F7: variants seen among roughly 807,000 people sequenced by gnomAD.
F7 encodes FVII coagulation protein.
In F7, 38 loss-of-function variants were observed where a neutral mutation model predicts 47.5. That is an observed-to-expected ratio of 0.80 (90% CI 0.62 to 1.05). The LOEUF (loss-of-function observed/expected upper bound fraction) is 1.05. F7 is among the 50% of genes least tolerant of loss of function. The pLI, the probability that F7 is intolerant of heterozygous loss-of-function variation, is 0.00. For missense variants in F7, 575 were observed against 605.4 expected (o/e 0.95, Z 0.53); for synonymous variants, 244 against 258.5 (o/e 0.94, Z 0.54).
rs376168927 is a variant in F7, at chr13:113,105,905, G to A, written c.64G>A (p.Val22Ile). The change falls in exon 1 of 8, where the codon GTC becomes ATC. Residue 22 changes from valine (V) to isoleucine (I), a missense_variant and splice_region_variant. Physicochemically the swap from Val to Ile is conservative, Grantham distance 29 (BLOSUM62 3). Transcript: ENST00000346342. ...TGGGCTTCAGGGCTGCCTGGCTGCA[G>A]GTGCGTCCGGGGAGGTTTTCTCCAT... ...LLGLQGCLAA[V>I]FVTQEEAHGV... The A allele has an allele frequency of 4.4e-6, 7 of 1,585,266 alleles. No homozygotes were observed. The East Asian group carries it at 6.8e-5, about 15-fold the overall frequency.
intron 1 of F7, among the ~76,000 whole-genome samples, chr13:113,109,436 G>A (rs1217262436): frequency 1.3e-5 from 2 of 152,130 alleles, no homozygotes; most frequent in South Asian, 2.1e-4. Context: ...GTTCTCTAGG[G>A]GCGTCGACGT....
chr13:113,115,687 A>G lies in F7; in HGVS notation c.392A>G (p.Asn131Ser). ...AAGGATGACCAGCTGATCTGTGTGA[A>G]CGAGAACGGCGGCTGTGAGCAGTAC... is the stretch of plus-strand genomic sequence containing the variant. Reference protein sequence around the residue: ...THKDDQLICVNENGGCEQYCS... With the variant: ...THKDDQLICVSENGGCEQYCS... Residue 131 changes from asparagine to serine, a missense_variant, in exon 5 of 8, where the codon AAC (asparagine) becomes AGC (serine). Asn to Ser is a conservative substitution (Grantham distance 46). Transcript: ENST00000346342. 6.2e-7 allele frequency: 1 copy of G among 1,613,226 alleles called. No homozygotes were observed. The highest frequency in any genetic ancestry group is 1.3e-5 in the African/African-American group (1 of 75,032).
Position 113,113,978 on chromosome 13 carries a change from G to A in F7, c.364+18G>A, listed in dbSNP as rs1013854324. On this transcript the variant is annotated intron_variant, in intron 4 of 7. Transcript: ENST00000346342. The surrounding 1 kb of genome is among the most constrained non-coding windows in gnomAD (Gnocchi z 4.1). ...TGAGACGCGTAAGGCCCCACTTTGG[G>A]TCCCATATTTGCAGAGGGCCCTGGG... 2.5e-6 allele frequency: 4 copies of A among 1,613,538 alleles called. No individual in the cohort carries two copies. Among genetic ancestry groups the A allele is most frequent in the Non-Finnish European group, 8.5e-7 (1 of 1,179,990 alleles).
chr13:113,115,898 C>T, intron 5 of F7, 98 bp downstream of exon 5: 3 of 1,509,112 alleles, frequency 2.0e-6, no homozygotes, highest in South Asian at 1.1e-5. Flanking sequence ...GGCTTCACAT[C>T]TACTGAGCAC....
In F7 at chr13:113,110,676, C is replaced by T. The variant is rs776517451; in HGVS notation, c.65-14C>T. 2 of 1,547,854 alleles carry T rather than the reference C, an allele frequency of 1.3e-6. No homozygotes were observed. Among genetic ancestry groups the T allele is most frequent in the African/African-American group, 2.7e-5 (2 of 72,932 alleles). On this transcript the variant is annotated splice_polypyrimidine_tract_variant and intron_variant, in intron 1 of 7. Coordinates refer to ENST00000346342, the MANE Select transcript of F7 (RefSeq NM_019616.4). ...GGCACGCGGTGGGCGCTTCACGGAACTCGCATTTCCCAGTCTTCGTAACCC... is the reference window on the plus strand; with the variant it reads ...GGCACGCGGTGGGCGCTTCACGGAATTCGCATTTCCCAGTCTTCGTAACCC...
rs142493427 is a variant in F7 at position 113,107,276 on chromosome 13, C to G, written c.64+1371C>G. Among the ~76,000 whole-genome samples the G allele has an allele frequency of 3.4e-4, 19 of 55,222 alleles. 4 individuals are homozygous for G. Among genetic ancestry groups the G allele is most frequent in the East Asian group, 1.8e-3 (4 of 2,250 alleles). The allele number at this position is 55,222 out of a possible 152,430, so 36.2% of individuals were successfully genotyped here. ...CCCGGGAGTGTGGGTGTCCCGGGGG[C>G]GTGGGTGTCCCAGGAGTGTGGGTGT... is the stretch of plus-strand genomic sequence containing the variant. On this transcript the variant is annotated intron_variant, in intron 1 of 7. Coordinates refer to ENST00000346342, the MANE Select transcript of F7 (RefSeq NM_019616.4).
chr13:113,117,269 C>G (rs2036209849), intron 6 of F7, among the ~76,000 whole-genome samples: 1 of 152,204 alleles, frequency 6.6e-6, no homozygotes, highest in Non-Finnish European at 1.5e-5. Context: ...TGGGCCGTGC[C>G]CAAGAGCACG....
In F7 at chr13:113,118,902, G is replaced by T. The variant is rs1450120320; in HGVS notation, c.1229G>T (p.Gly410Val). Residue 410 changes from glycine (G) to valine (V), a missense_variant, in exon 8 of 8, where the codon GGC becomes GTC. Physicochemically the swap from Gly to Val is moderately radical, Grantham distance 109. Transcript: ENST00000346342. Reference protein sequence around the residue: ...VSWGQGCATVGHFGVYTRVSQ... With the variant: ...VSWGQGCATVVHFGVYTRVSQ... ...TGGGGCCAGGGCTGCGCAACCGTGG[G>T]CCACTTTGGGGTGTACACCAGGGTC... The T allele has an allele frequency of 1.2e-6, 2 of 1,612,216 alleles. No individual in the cohort carries two copies. The highest frequency in any genetic ancestry group is 2.7e-5 in the African/African-American group (2 of 74,932).
chr13:113,110,256 G>A (rs1028411269), intron 1 of F7: 5 of 174,934 alleles, frequency 2.9e-5, no homozygotes, highest in African/African-American at 1.2e-4. Context: ...GAGACGCGGT[G>A]CGGGTGGAGA....
intron 1 of F7, chr13:113,106,920 GACTGCC>G (rs2035972314): frequency 6.3e-7 from 1 of 1,598,138 alleles, no homozygotes; most frequent in South Asian, 1.1e-5. Flanking sequence ...GGTGAGCAGG[GACTGCC>G]ACTGGTTTTG....
At chr13:113,111,657 G>A (rs1343016280) in intron 2 of F7, among the ~76,000 whole-genome samples, 1 of 111,874 alleles carries the variant, frequency 8.9e-6, no homozygotes, top group African/African-American at 3.6e-5. Context: ...ACACTCACAG[G>A]ACACCTCACA....
chr13:113,119,507 G>A lies in F7; in HGVS notation c.*499G>A, dbSNP rs575689457. 114 of 184,644 alleles carry A rather than the reference G, an allele frequency of 6.2e-4. No homozygotes were observed. The highest frequency in any genetic ancestry group is 4.9e-3 in the Middle Eastern group (2 of 406). 11.4% of individuals were successfully genotyped at this position (184,644 alleles called of 1,614,324 possible). A position where few individuals can be genotyped will look rare whatever the true frequency, so the allele number is the denominator to read the frequency against. ...CACACACAGAGATATGCACACACACGGATGCACACACAGATGGTCACACAG... is the reference window on the plus strand; with the variant it reads ...CACACACAGAGATATGCACACACACAGATGCACACACAGATGGTCACACAG... On this transcript the variant is annotated 3_prime_UTR_variant, in exon 8 of 8. Coordinates refer to ENST00000346342, the MANE Select transcript of F7 (RefSeq NM_019616.4).
rs375134790 is a variant in F7, at chr13:113,115,738, G to A, written c.443G>A (p.Arg148His). 6 of 1,613,072 alleles carry A rather than the reference G, an allele frequency of 3.7e-6. No homozygotes were observed. The African/African-American group carries it at 4.0e-5, about 11-fold the overall frequency. Residue 148 changes from arginine to histidine, a missense_variant, in exon 5 of 8, where the codon CGC becomes CAC. Arg to His is a conservative substitution (Grantham distance 29). Transcript: ENST00000346342. Reference protein sequence around the residue: ...QYCSDHTGTKRSCRCHEGYSL... With the variant: ...QYCSDHTGTKHSCRCHEGYSL... ...TGCAGTGACCACACGGGCACCAAGCGCTCCTGTCGGTGCCACGAGGGGTAC... is the reference window on the plus strand; with the variant it reads ...TGCAGTGACCACACGGGCACCAAGCACTCCTGTCGGTGCCACGAGGGGTAC...
chr13:113,115,822 G>A lies in F7; in HGVS notation c.505+22G>A, dbSNP rs2036184866. 4.3e-6 allele frequency: 7 copies of A among 1,612,932 alleles called. No homozygotes were observed. The East Asian group carries it at 1.1e-4, about 26-fold the overall frequency. ...ACAGGTGACCAGGCTTCATGTCCCA[G>A]TCCCAGATGACACCAGTCCCTGTCC... is the stretch of plus-strand genomic sequence containing the variant. On this transcript the variant is annotated intron_variant, in intron 5 of 7. Coordinates refer to ENST00000346342, the MANE Select transcript of F7 (RefSeq NM_019616.4).
At chr13:113,109,364 T>A (rs1376956176) in intron 1 of F7, among the ~76,000 whole-genome samples, 1 of 151,922 alleles carries the variant, frequency 6.6e-6, no homozygotes, top group Non-Finnish European at 1.5e-5. Context: ...AGTTCCCACC[T>A]CCTTGAGCCC....
chr13:113,109,857 C>G (rs1041079409), intron 1 of F7, among the ~76,000 whole-genome samples: 1 of 152,220 alleles, frequency 6.6e-6, no homozygotes, highest in East Asian at 1.9e-4. Flanking sequence ...GTCCCCTCGG[C>G]TGTAGGGCGT....
intron 2 of F7, among the ~76,000 whole-genome samples, chr13:113,111,125 G>T (rs905776906): frequency 6.6e-6 from 1 of 152,210 alleles, no homozygotes; most frequent in Admixed American, 6.5e-5. Flanking sequence ...GCACACTTAG[G>T]GTGTCCCCCT....
chr13:113,111,199 C>T (rs1026370732), intron 2 of F7, among the ~76,000 whole-genome samples: 5 of 152,216 alleles, frequency 3.3e-5, no homozygotes, highest in East Asian at 3.9e-4. Flanking sequence ...ATCGCAGACG[C>T]GCGCGGCTCG....
rs373888539 is a variant in F7 at position 113,119,013 on chromosome 13, G to T, written c.*5G>T. ...CTGCGAGCCCCATTTCCCTAGCCCA[G>T]CAGCCCTGGCCTGTGGAGAGAAAGC... On this transcript the variant is annotated 3_prime_UTR_variant, in exon 8 of 8. Coordinates refer to ENST00000346342, the MANE Select transcript of F7 (RefSeq NM_019616.4). 6.3e-7 allele frequency: 1 copy of T among 1,598,374 alleles called. No individual in the cohort carries two copies. The highest frequency in any genetic ancestry group is 2.2e-5 in the East Asian group (1 of 44,868).
Sources: allele counts gnomAD v4.1 joint callset (sites outside exome capture counted in the v4.1 genomes callset), GRCh38; gene constraint gnomAD v4.1.1; non-coding constraint Gnocchi (gnomAD v3.1); transcripts MANE v1.5; gene names NCBI Gene and HGNC (gene_info 2026-07-23, HGNC 2026-07-21).